Variants in ECE1 observed in about 807,000 individuals in gnomAD.
ECE1 encodes the protein endothelin converting enzyme 1.
ECE1 carries 35 observed loss-of-function variants against 98.6 expected under a neutral mutation model. The observed-to-expected ratio is 0.35, with a 90% CI of 0.27 to 0.47. ECE1 has a LOEUF of 0.47. Ranked by LOEUF, ECE1 falls within the 20% of genes least tolerant of loss-of-function variation. The probability of loss-of-function intolerance (pLI) is 1.00; values close to 1 mark genes in which losing one functional copy is unlikely to be tolerated. For synonymous variants in ECE1, 394 were observed against 407.1 expected (o/e 0.97, Z 0.39); for missense variants, 814 against 1,025.3 (o/e 0.79, Z 2.81).
At chr1:21,269,360 C>T (rs1372028174) in intron 4 of ECE1, among the ~76,000 whole-genome samples, 1 of 152,214 alleles carries the variant, frequency 6.6e-6, no homozygotes, top group Non-Finnish European at 1.5e-5. Flanking sequence ...TGTGTCATAG[C>T]TGTATTCTGC....
intron 5 of ECE1, among the ~76,000 whole-genome samples, chr1:21,259,396 T>C (rs1359039653): frequency 1.3e-5 from 2 of 152,110 alleles, no homozygotes; most frequent in Admixed American, 1.3e-4. Context: ...TCCTCCTAAG[T>C]AGCTATGACT....
At chr1:21,282,104 C>T (rs980168209) in intron 2 of ECE1, among the ~76,000 whole-genome samples, 7 of 151,524 alleles carry the variant, frequency 4.6e-5, no homozygotes, top group African/African-American at 1.7e-4. Flanking sequence ...CTGGGCAACA[C>T]AGTCAGACCC....
chr1:21,236,580 C>T (rs1027650754), intron 12 of ECE1, among the ~76,000 whole-genome samples, 166 bp downstream of exon 12: 17 of 152,324 alleles, frequency 1.1e-4, no homozygotes, highest in African/African-American at 3.1e-4. Context: ...ACCCGGGAGG[C>T]GGAGGTTGCG....
intron 1 of ECE1, among the ~76,000 whole-genome samples, chr1:21,337,568 A>G (rs1015348059): frequency 2.0e-5 from 3 of 152,152 alleles, no homozygotes; most frequent in Non-Finnish European, 4.4e-5. Flanking sequence ...GAAACGTACA[A>G]TCTCTGCCCT....
Position 21,245,057 on chromosome 1 carries a change from A to T in ECE1, c.1210T>A (p.Ser404Thr). The T allele has an allele frequency of 6.2e-7, 1 of 1,614,160 alleles. No homozygotes were observed. The highest frequency in any genetic ancestry group is 8.5e-7 in the Non-Finnish European group (1 of 1,180,034). The change falls in exon 10 of 19, where the codon TCC (serine) becomes ACC (threonine). Residue 404 changes from serine (S) to threonine (T), a missense_variant. This residue lies in a region of ECE1 where 452 missense variants were observed against 567.3 expected (regional missense o/e 0.80). Coordinates refer to ENST00000374893, the MANE Select transcript of ECE1 (RefSeq NM_001397.3). ...MIWNLVRKTS[S>T]FLDQRFQDAD... Reference sequence around the variant, plus strand: ...TCCTGAAAGCGCTGGTCAAGGAAGGAGCTTGTTTTCCGCACCAGGTTCCAG... The same window carrying T: ...TCCTGAAAGCGCTGGTCAAGGAAGGTGCTTGTTTTCCGCACCAGGTTCCAG...
In ECE1 at chr1:21,225,010, CTGT is replaced by C. The variant is rs1196823084; in HGVS notation, c.2040+237_2040+239del. 6.6e-6 allele frequency among the ~76,000 whole-genome samples: 1 copy of C among 152,244 alleles called. No individual in the cohort carries two copies. Among genetic ancestry groups the C allele is most frequent in the Non-Finnish European group, 1.5e-5 (1 of 68,048 alleles). On this transcript the variant is annotated intron_variant, in intron 17 of 18. Transcript: ENST00000374893. This position sits in a 1 kb window ranked among gnomAD's most constrained non-coding sequence, Gnocchi z 5.3. ...AGGCGGATGAAGCCCGAGCCCCTTC[CTGT>C]GTCTTTGTCAGGCCAGACTCAGAGC...
rs1382294839 is a variant in ECE1 at position 21,248,174 on chromosome 1, T to G, written c.1021-811A>C. On this transcript the variant is annotated intron_variant, in intron 8 of 18. Coordinates refer to ENST00000374893, the MANE Select transcript of ECE1 (RefSeq NM_001397.3). ...CACACAGCAGGCTGGTCAGCTCTAC[T>G]TTTTTTTTTTTTTTGAGACGGAGTC... Among the ~76,000 whole-genome samples the G allele has an allele frequency of 2.1e-4, 30 of 143,556 alleles. No homozygotes were observed. In the South Asian group the frequency reaches 3.8e-3, roughly 18 times the overall value. The allele number at this position is 143,556 out of a possible 152,430, so 94.2% of individuals were successfully genotyped here. A position where few individuals can be genotyped will look rare whatever the true frequency, so the allele number is the denominator to read the frequency against.
intron 1 of ECE1, among the ~76,000 whole-genome samples, chr1:21,315,166 G>T (rs1373818323): frequency 6.6e-6 from 1 of 152,206 alleles, no homozygotes; most frequent in East Asian, 1.9e-4. Flanking sequence ...GGGTGATAAG[G>T]CTCAGAAAGG....
chr1:21,340,023 AT>A lies in ECE1; in HGVS notation c.3+5352del, dbSNP rs1639372456. Among the ~76,000 whole-genome samples, 1 of 152,120 alleles carries A rather than the reference AT, an allele frequency of 6.6e-6. No individual in the cohort carries two copies. ...CAAGGACAAGTGAACCCCCCTCCTA[AT>A]TTTTTATGTGTCCAAAACTTGGCGT... is the stretch of plus-strand genomic sequence containing the variant. On this transcript the variant is annotated intron_variant, in intron 1 of 18. Transcript: ENST00000415912. The surrounding 1 kb of genome is among the most constrained non-coding windows in gnomAD (Gnocchi z 4.6).
intron 12 of ECE1, 90 bp downstream of exon 12, chr1:21,236,652 AAAAC>A: frequency 1.6e-6 from 2 of 1,288,860 alleles, no homozygotes; most frequent in Non-Finnish European, 2.2e-6. Flanking sequence ...TCTGCCTCAA[AAAAC>A]AAACAAAAAA....
At chr1:21,325,114 A>C (rs1307352683) in intron 1 of ECE1, among the ~76,000 whole-genome samples, 1 of 152,198 alleles carries the variant, frequency 6.6e-6, no homozygotes. Flanking sequence ...GCAAAATCCA[A>C]TTTTGTGTAC....
intron 4 of ECE1, chr1:21,266,483 C>G (rs910019244): frequency 1.3e-5 from 2 of 152,306 alleles, no homozygotes; most frequent in Non-Finnish European, 2.9e-5. Flanking sequence ...ACTGCCACCG[C>G]TCACAGCATC....
chr1:21,341,809 C>G (rs28671419), intron 1 of ECE1, among the ~76,000 whole-genome samples: 2 of 145,798 alleles, frequency 1.4e-5, no homozygotes, highest in Non-Finnish European at 1.5e-5. Flanking sequence ...TTCTCCCTAC[C>G]TTTTTTTTTT....
chr1:21,258,916 A>C lies in ECE1; in HGVS notation c.616-77T>G. On this transcript the variant is annotated intron_variant, in intron 5 of 18. Transcript: ENST00000374893. This position sits in a 1 kb window ranked among gnomAD's most constrained non-coding sequence, Gnocchi z 4.2. ...GATGTGAATTCTGGTTCTGCCGCTG[A>C]CTTGCTCTGTGACCCTGGAGCAGTC... is the stretch of plus-strand genomic sequence containing the variant. 1 of 1,585,930 alleles carries C rather than the reference A, an allele frequency of 6.3e-7. No individual in the cohort carries two copies. Among genetic ancestry groups the C allele is most frequent in the East Asian group, 2.3e-5 (1 of 43,758 alleles).
intron 4 of ECE1, chr1:21,266,587 G>A (rs1287679887): frequency 6.6e-6 from 1 of 152,208 alleles, no homozygotes; most frequent in African/African-American, 2.4e-5. Context: ...ATGAGGCCCA[G>A]GTGCGTGAAG....
chr1:21,287,862 C>G (rs1411135306), intron 2 of ECE1, among the ~76,000 whole-genome samples: 3 of 152,118 alleles, frequency 2.0e-5, no homozygotes, highest in Non-Finnish European at 2.9e-5. Context: ...AAACCGTTAT[C>G]TCCAAGTGGC....
At chr1:21,228,679 C>A (rs1009148907) in intron 14 of ECE1, among the ~76,000 whole-genome samples, 1 of 151,698 alleles carries the variant, frequency 6.6e-6, no homozygotes, top group African/African-American at 2.4e-5. Context: ...ATCCCAGCTA[C>A]GTGGGTGGCT....
chr1:21,226,263 A>C (rs2098174102), intron 16 of ECE1, among the ~76,000 whole-genome samples: 1 of 152,148 alleles, frequency 6.6e-6, no homozygotes, highest in African/African-American at 2.4e-5. Flanking sequence ...TCTCTGCTAA[A>C]CCTAATAGGA....
At chr1:21,230,389 T>C (rs973080477) in intron 14 of ECE1, among the ~76,000 whole-genome samples, 1 of 152,136 alleles carries the variant, frequency 6.6e-6, no homozygotes, top group African/African-American at 2.4e-5. Flanking sequence ...GAATTCTCTT[T>C]TTTTTGAAAC....
Sources: gnomAD v4.1 joint callset for allele counts (sites outside exome capture counted in the v4.1 genomes callset) on GRCh38, gnomAD v4.1.1 for gene constraint, gnomAD v4.1.1 regional missense constraint, Gnocchi (gnomAD v3.1) non-coding constraint, MANE v1.5 for transcripts, NCBI Gene and HGNC (gene_info 2026-07-23, HGNC 2026-07-21) for gene names.